The following FREM1 variants were observed in gnomAD, a reference collection of about 807,000 sequenced individuals.
FREM1 encodes the protein FRAS1-related extracellular matrix protein 1.
A neutral mutation model predicts 210.1 loss-of-function variants in FREM1; 220 were observed. That is an observed-to-expected ratio of 1.05 (90% CI 0.94 to 1.17). The LOEUF (loss-of-function observed/expected upper bound fraction) is 1.17, where lower values mean the gene tolerates loss of function less well. Among genes scored for constraint, FREM1 ranks in the 50% most tolerant of loss-of-function variants. FREM1 has a pLI of 0.00. For missense variants in FREM1, 3,454 were observed against 2,675.5 expected (o/e 1.29, Z -6.42); for synonymous variants, 1,189 against 980.2 (o/e 1.21, Z -3.98).
At chr9:14,754,960 T>C (rs995253835) in intron 29 of FREM1, among the ~76,000 whole-genome samples, 9 of 152,068 alleles carry the variant, frequency 5.9e-5, no homozygotes, top group Admixed American at 4.6e-4. Flanking sequence ...GCAGGGACTT[T>C]ATAACACAGA....
chr9:14,885,125 C>T (rs564652967), intron 1 of FREM1, among the ~76,000 whole-genome samples: 67 of 151,480 alleles, frequency 4.4e-4, no homozygotes, highest in African/African-American at 1.5e-3. Context: ...GGGGTTTCAC[C>T]GTGTTAGCCA....
At chr9:14,768,340 T>C (rs529206723) in intron 27 of FREM1, among the ~76,000 whole-genome samples, 1 of 150,690 alleles carries the variant, frequency 6.6e-6, no homozygotes, top group South Asian at 2.1e-4. Flanking sequence ...TTTTTTTACA[T>C]TTTCTTGAGA....
chr9:14,776,020 G>A lies in FREM1; in HGVS notation c.4626C>T (p.Leu1542=), dbSNP rs367674769. The A allele has an allele frequency of 6.5e-5, 105 of 1,613,898 alleles. No homozygotes were observed. Among genetic ancestry groups the A allele is most frequent in the Non-Finnish European group, 1.2e-5 (14 of 1,179,898 alleles). Reference sequence around the variant, plus strand: ...GGGGGAGCTGAACCAAGAGGAAGGTGAGGTTCTCCGCAGGTGTATCAGGGT... The same window carrying A: ...GGGGGAGCTGAACCAAGAGGAAGGTAAGGTTCTCCGCAGGTGTATCAGGGT... ...LTDPDTPAEN[L]TFLLVQLPQH... Residue 1542 remains leucine, a synonymous_variant, in exon 25 of 37, where the codon CTC becomes CTT. Transcript: ENST00000380880.
At chr9:14,867,368 T>C (rs1466018367) in intron 2 of FREM1, among the ~76,000 whole-genome samples, 1 of 152,220 alleles carries the variant, frequency 6.6e-6, no homozygotes, top group South Asian at 2.1e-4. Context: ...ACACTGCAAC[T>C]ACCAAACACT....
rs1184144740 is a variant in FREM1 at position 14,859,337 on chromosome 9, G to A, written c.477C>T (p.Leu159=). Residue 159 remains leucine, a synonymous_variant, in exon 4 of 37, where the codon CTC becomes CTT. Coordinates refer to ENST00000380880, the MANE Select transcript of FREM1 (RefSeq NM_001379081.2). ...TAGCCATCCTATCATAATCGAATCT[G>A]AGCAGATTTTTATCAATCGCTTGGG... ...GLSQAIDKNL[L]RFDYDRMASL... is the part of the protein sequence containing the mutation. 1 of 1,613,854 alleles carries A rather than the reference G, an allele frequency of 6.2e-7. No individual in the cohort carries two copies. Among genetic ancestry groups the A allele is most frequent in the Non-Finnish European group, 8.5e-7 (1 of 1,179,874 alleles).
At chr9:14,783,877 G>T (rs902211063) in intron 24 of FREM1, among the ~76,000 whole-genome samples, 1 of 152,148 alleles carries the variant, frequency 6.6e-6, no homozygotes, top group South Asian at 2.1e-4. Flanking sequence ...AGAACACATT[G>T]TGTCAAAAGG....
chr9:14,880,053 T>C (rs745655890), intron 1 of FREM1, among the ~76,000 whole-genome samples: 2 of 151,492 alleles, frequency 1.3e-5, no homozygotes, highest in Non-Finnish European at 2.9e-5. Context: ...GAGGGTAGAG[T>C]CCTCATGATG....
intron 36 of FREM1, among the ~76,000 whole-genome samples, chr9:14,738,782 G>C (rs1840876797): frequency 6.6e-6 from 1 of 152,082 alleles, no homozygotes; most frequent in African/African-American, 2.4e-5. Context: ...GACCGAGGCA[G>C]GTGGATCACC....
chr9:14,861,278 C>T (rs1174411024), intron 3 of FREM1, among the ~76,000 whole-genome samples: 10 of 78,636 alleles, frequency 1.3e-4, no homozygotes, highest in Non-Finnish European at 2.0e-4. Context: ...CACATATATA[C>T]ATATATACAT....
At position 14,750,278 on chromosome 9, in the gene FREM1, T is replaced by C; in HGVS notation, c.5408-2A>G. On this transcript the variant is annotated splice_acceptor_variant, in intron 29 of 36. Coordinates refer to ENST00000380880, the MANE Select transcript of FREM1 (RefSeq NM_001379081.2). LOFTEE classifies it high-confidence loss of function. ...TATTCCACATCTTAGTTGACATTCC[T>C]ACAAGAAGTAAACATTTTAATTACT... 1 of 1,602,884 alleles carries C rather than the reference T, an allele frequency of 6.2e-7. No individual in the cohort carries two copies. The highest frequency in any genetic ancestry group is 1.3e-5 in the African/African-American group (1 of 74,724).
At chr9:14,830,384 T>C (rs746369315) in intron 10 of FREM1, among the ~76,000 whole-genome samples, 4 of 152,136 alleles carry the variant, frequency 2.6e-5, no homozygotes, top group Non-Finnish European at 4.4e-5. Flanking sequence ...AGCCCAGCAA[T>C]TGATTTGAGC....
chr9:14,775,240 G>A (rs919232669), intron 25 of FREM1, among the ~76,000 whole-genome samples: 6 of 152,124 alleles, frequency 3.9e-5, no homozygotes, highest in African/African-American at 1.4e-4. Context: ...TTCAAAGCTA[G>A]GTCTGTCTGA....
At chr9:14,816,744 A>C in intron 15 of FREM1, 34 bp downstream of exon 15, 1 of 1,189,412 alleles carries the variant, frequency 8.4e-7, no homozygotes, top group Non-Finnish European at 1.1e-6. Flanking sequence ...AAACAGACTA[A>C]GACAATAACC....
chr9:14,888,593 C>T (rs1836225195), intron 1 of FREM1, among the ~76,000 whole-genome samples: 1 of 152,186 alleles, frequency 6.6e-6, no homozygotes, highest in Admixed American at 6.5e-5. Context: ...GCTTACACTA[C>T]AAGCCCAGGT....
Position 14,896,544 on chromosome 9 carries a change from CAAA to C in FREM1, c.-268+13367_-268+13369del, listed in dbSNP as rs59464900. On this transcript the variant is annotated intron_variant, in intron 1 of 36. Coordinates refer to ENST00000380880, the MANE Select transcript of FREM1 (RefSeq NM_001379081.2). ...TGGGCCACAGAGCGAGACTCCATCT[CAAA>C]AAAAAAAAAAAAAAAAAAGAAGCAT... Among the ~76,000 whole-genome samples, 224 of 82,634 alleles carry C rather than the reference CAAA, an allele frequency of 2.7e-3. 2 individuals are homozygous for C. Among genetic ancestry groups the C allele is most frequent in the African/African-American group, 7.6e-3 (180 of 23,628 alleles). 54.2% of individuals were successfully genotyped at this position (82,634 alleles called of 152,430 possible).
intron 27 of FREM1, among the ~76,000 whole-genome samples, chr9:14,766,747 G>C (rs192547415): frequency 7.8e-4 from 118 of 152,190 alleles, no homozygotes; most frequent in Non-Finnish European, 3.7e-4. Context: ...TATCACAGAG[G>C]TTTCACCCCT....
chr9:14,752,597 C>A (rs936581142), intron 29 of FREM1, among the ~76,000 whole-genome samples: 4 of 151,762 alleles, frequency 2.6e-5, no homozygotes, highest in Non-Finnish European at 4.4e-5. Flanking sequence ...GAGATCCAGG[C>A]AGATAGACAG....
intron 27 of FREM1, among the ~76,000 whole-genome samples, chr9:14,760,916 C>T (rs1215715694): frequency 6.6e-6 from 1 of 151,988 alleles, no homozygotes; most frequent in African/African-American, 2.4e-5. Flanking sequence ...GCAACCTTCA[C>T]TACGATTGTT....
At chr9:14,743,906 T>C (rs1402924550) in intron 35 of FREM1, among the ~76,000 whole-genome samples, 1 of 152,150 alleles carries the variant, frequency 6.6e-6, no homozygotes, top group African/African-American at 2.4e-5. Context: ...CCACTACTTC[T>C]ACTGGAGCTT....
Sources: gnomAD v4.1 joint callset for allele counts (sites outside exome capture counted in the v4.1 genomes callset) on GRCh38, gnomAD v4.1.1 for gene constraint, MANE v1.5 for transcripts, NCBI Gene and HGNC (gene_info 2026-07-23, HGNC 2026-07-21) for gene names.